Variants in AHCYL2 observed in about 807,000 individuals in gnomAD.
AHCYL2 encodes S-adenosylhomocysteine hydrolase-like protein 2.
A neutral mutation model predicts 81.4 loss-of-function variants in AHCYL2; 28 were observed. The observed-to-expected ratio is 0.34, with a 90% confidence interval of 0.25 to 0.47. The LOEUF (loss-of-function observed/expected upper bound fraction) is 0.47. Ranked by LOEUF, AHCYL2 falls within the 20% of genes least tolerant of loss-of-function variation. The pLI, the probability that AHCYL2 is intolerant of heterozygous loss-of-function variation, is 1.00. For missense variants in AHCYL2, 551 were observed against 785.1 expected (o/e 0.70, Z 3.56); for synonymous variants, 272 against 290.2 (o/e 0.94, Z 0.64).
intron 1 of AHCYL2, among the ~76,000 whole-genome samples, chr7:129,252,961 C>T (rs928361571): frequency 6.6e-6 from 1 of 152,198 alleles, no homozygotes; most frequent in South Asian, 2.1e-4. Flanking sequence ...GTAATCCCAG[C>T]GCTTTGGGAG....
intron 2 of AHCYL2, among the ~76,000 whole-genome samples, chr7:129,386,808 C>G (rs1315372214): frequency 6.6e-6 from 1 of 152,126 alleles, no homozygotes; most frequent in East Asian, 1.9e-4. Flanking sequence ...GCCAGCCAAC[C>G]ACCTGCTGTT....
At chr7:129,292,779 A>G (rs770166399) in intron 1 of AHCYL2, among the ~76,000 whole-genome samples, 24 of 152,050 alleles carry the variant, frequency 1.6e-4, no homozygotes, top group Non-Finnish European at 2.9e-4. Flanking sequence ...AAAAAAAAAC[A>G]AAGAAAGTAA....
intron 1 of AHCYL2, among the ~76,000 whole-genome samples, chr7:129,256,015 C>T (rs1795407402): frequency 6.6e-6 from 1 of 152,014 alleles, no homozygotes; most frequent in African/African-American, 2.4e-5. Context: ...GAAGTCATTG[C>T]AAGGAGGCAG....
intron 1 of AHCYL2, among the ~76,000 whole-genome samples, chr7:129,317,899 CTA>C (rs1797881852): frequency 6.6e-6 from 1 of 152,148 alleles, no homozygotes; most frequent in African/African-American, 2.4e-5. Context: ...AAAGAACTAA[CTA>C]TTACTATTCC....
intron 1 of AHCYL2, among the ~76,000 whole-genome samples, chr7:129,319,026 A>AG (rs1230685786): frequency 6.6e-6 from 1 of 152,170 alleles, no homozygotes; most frequent in Non-Finnish European, 1.5e-5. Context: ...CAACTCACAA[A>AG]GGGCTGATTT....
At chr7:129,284,642 C>T (rs1251852788) in intron 1 of AHCYL2, among the ~76,000 whole-genome samples, 1 of 149,816 alleles carries the variant, frequency 6.7e-6, no homozygotes, top group Non-Finnish European at 1.5e-5. Context: ...TGTTTGGGGG[C>T]CATCCTGAGA....
At chr7:129,354,930 T>C (rs1441881086) in intron 1 of AHCYL2, among the ~76,000 whole-genome samples, 2 of 152,178 alleles carry the variant, frequency 1.3e-5, no homozygotes, top group African/African-American at 4.8e-5. Flanking sequence ...TCAGTCCTCA[T>C]TATTTTCAGA....
chr7:129,243,851 C>G (rs562811498), intron 1 of AHCYL2, among the ~76,000 whole-genome samples: 61 of 152,272 alleles, frequency 4.0e-4, no homozygotes, highest in African/African-American at 1.3e-3. Context: ...CCTCGGCCTC[C>G]CAAAGTGCTG....
chr7:129,225,457 C>T lies in AHCYL2; in HGVS notation c.363+18C>T, dbSNP rs1794176297. The T allele has an allele frequency of 4.7e-6, 7 of 1,497,176 alleles. No homozygotes were observed. The highest frequency in any genetic ancestry group is 6.2e-6 in the Non-Finnish European group (7 of 1,129,406). The allele number at this position is 1,497,176 out of a possible 1,614,324, so 92.7% of individuals were successfully genotyped here. A position where few individuals can be genotyped will look rare whatever the true frequency, so the allele number is the denominator to read the frequency against. On this transcript the variant is annotated intron_variant, in intron 1 of 16. Coordinates refer to ENST00000325006, the MANE Select transcript of AHCYL2 (RefSeq NM_015328.4). ...TCAAGAAGGTACTGGGGCCGGGCTGCCTCTCTAGGAGAGGAAGGGAGGGGA... is the reference window on the plus strand; with the variant it reads ...TCAAGAAGGTACTGGGGCCGGGCTGTCTCTCTAGGAGAGGAAGGGAGGGGA...
intron 1 of AHCYL2, among the ~76,000 whole-genome samples, chr7:129,289,116 G>A (rs1042372241): frequency 6.6e-6 from 1 of 151,194 alleles, no homozygotes; most frequent in Non-Finnish European, 1.5e-5. Flanking sequence ...TTGAGTCAGG[G>A]TCTTGCTGTG....
intron 1 of AHCYL2, among the ~76,000 whole-genome samples, chr7:129,304,503 G>GT (rs1278533847): frequency 6.6e-6 from 1 of 152,164 alleles, no homozygotes. Flanking sequence ...GCTAGCTATT[G>GT]TTTTGGAGTC....
chr7:129,411,293 T>C (rs1796561601), intron 11 of AHCYL2, among the ~76,000 whole-genome samples: 1 of 152,114 alleles, frequency 6.6e-6, no homozygotes, highest in Non-Finnish European at 1.5e-5. Context: ...ATTATCGAAT[T>C]TTTATCACCC....
At chr7:129,332,191 A>T (rs1308893835) in intron 1 of AHCYL2, among the ~76,000 whole-genome samples, 1 of 152,122 alleles carries the variant, frequency 6.6e-6, no homozygotes, top group Non-Finnish European at 1.5e-5. Flanking sequence ...GATAATGGTT[A>T]ATTTTTGTCT....
At chr7:129,285,250 T>C (rs1358573511) in intron 1 of AHCYL2, among the ~76,000 whole-genome samples, 1 of 152,232 alleles carries the variant, frequency 6.6e-6, no homozygotes, top group Non-Finnish European at 1.5e-5. Flanking sequence ...CTGCATTCTT[T>C]TCTTTCTCTC....
At chr7:129,291,613 T>C (rs985798849) in intron 1 of AHCYL2, among the ~76,000 whole-genome samples, 1 of 151,648 alleles carries the variant, frequency 6.6e-6, no homozygotes, top group East Asian at 1.9e-4. Context: ...TTTTTTTTCT[T>C]TTTTTTTGAG....
In AHCYL2 at chr7:129,369,550, GTTTTTTTTTT is replaced by G. The variant is rs35051098; in HGVS notation, c.364-10077_364-10068del. Among the ~76,000 whole-genome samples the G allele has an allele frequency of 7.2e-4, 95 of 132,528 alleles. 1 individual carries two copies. The South Asian group carries it at 0.021, about 29-fold the overall frequency. 86.9% of individuals were successfully genotyped at this position (132,528 alleles called of 152,430 possible). On this transcript the variant is annotated intron_variant, in intron 1 of 16. Coordinates refer to ENST00000325006, the MANE Select transcript of AHCYL2 (RefSeq NM_015328.4). Reference sequence around the variant, plus strand: ...TGTCGTTTCAGAACATTGTGTTCAGGTTTTTTTTTTTTTTTTTTTTGAAATGGAGTCTGGC... The same window carrying G: ...TGTCGTTTCAGAACATTGTGTTCAGGTTTTTTTTTTGAAATGGAGTCTGGC...
intron 1 of AHCYL2, among the ~76,000 whole-genome samples, chr7:129,295,142 T>C (rs1044805774): frequency 3.3e-5 from 5 of 152,244 alleles, no homozygotes; most frequent in Admixed American, 6.5e-5. Flanking sequence ...ACAGGAGTTA[T>C]TCTCCTTGAC....
At chr7:129,231,445 GA>G (rs1227167386) in intron 1 of AHCYL2, among the ~76,000 whole-genome samples, 1 of 152,076 alleles carries the variant, frequency 6.6e-6, no homozygotes, top group Non-Finnish European at 1.5e-5. Flanking sequence ...CCCCACGAGA[GA>G]AAAAAAGTTT....
At position 129,405,093 on chromosome 7, in the gene AHCYL2, T is replaced by C; in HGVS notation, c.1026-4T>C. ...TTTTTGTTCTTGGCTTCCCTCATCC[T>C]CAGGCTGTACCAACTGTCCAAAGCT... On this transcript the variant is annotated splice_region_variant and splice_polypyrimidine_tract_variant and intron_variant, in intron 7 of 16. Transcript: ENST00000325006. The C allele has an allele frequency of 6.3e-7, 1 of 1,586,682 alleles. No individual in the cohort carries two copies. Among genetic ancestry groups the C allele is most frequent in the Admixed American group, 1.8e-5 (1 of 55,124 alleles).
Sources: gnomAD v4.1 joint callset for allele counts (sites outside exome capture counted in the v4.1 genomes callset) on GRCh38, gnomAD v4.1.1 for gene constraint, MANE v1.5 for transcripts, NCBI Gene and HGNC (gene_info 2026-07-23, HGNC 2026-07-21) for gene names.